The following MDN1 variants were observed in gnomAD, a reference collection of about 807,000 sequenced individuals.
MDN1 encodes midasin AAA ATPase 1, also known as midasin.
A neutral mutation model predicts 669.2 loss-of-function variants in MDN1; 266 were observed. That is an observed-to-expected ratio of 0.40 (90% CI 0.36 to 0.44). The LOEUF (loss-of-function observed/expected upper bound fraction) is 0.44. Among genes scored for constraint, MDN1 ranks in the 20% least tolerant of loss-of-function variants. MDN1 has a pLI of 1.00. For missense variants in MDN1, 5,940 were observed against 6,754.0 expected, an observed-to-expected ratio of 0.88 and a Z score of 4.22; for synonymous variants, 2,385 against 2,457.1, an observed-to-expected ratio of 0.97 and a Z score of 0.87.
chr6:89,809,833 T>TAAAATAAAATAAAATAAAAA (rs1252511994), intron 1 of MDN1, among the ~76,000 whole-genome samples: 4 of 135,816 alleles, frequency 2.9e-5, no homozygotes, highest in South Asian at 2.3e-4. Flanking sequence ...TAAAATAAAA[T>TAAAATAAAATAAAATAAAAA]AAAAAATTAG....
At position 89,782,824 on chromosome 6, in the gene MDN1, G is replaced by A. The variant is rs144515380; in HGVS notation, c.1450-1232C>T. ...CATGGTGGCATGTTGCGGGAAGTCA[G>A]GGACCCCAAATGGAGGGACCAGCTG... is the stretch of plus-strand genomic sequence containing the variant. On this transcript the variant is annotated intron_variant, in intron 9 of 101. Coordinates refer to ENST00000369393, the MANE Select transcript of MDN1 (RefSeq NM_014611.3). 7.4e-3 allele frequency among the ~76,000 whole-genome samples: 1,120 copies of A among 152,096 alleles called. 25 individuals are homozygous for A. The highest frequency in any genetic ancestry group is 0.026 in the African/African-American group (1,063 of 41,506).
chr6:89,758,074 T>TG lies in MDN1; in HGVS notation c.2702+180dup, dbSNP rs1817342283. Among the ~76,000 whole-genome samples, 20 of 148,256 alleles carry TG rather than the reference T, an allele frequency of 1.3e-4. No homozygotes were observed. In the South Asian group the frequency reaches 4.3e-3, roughly 32 times the overall value. On this transcript the variant is annotated intron_variant, in intron 19 of 101. Coordinates refer to ENST00000369393, the MANE Select transcript of MDN1 (RefSeq NM_014611.3). Reference sequence around the variant, plus strand: ...GAAAAAAAATAAAAAAATAGCTGGGTGTGGTGGCATGCACCCATAATCCCG... The same window carrying TG: ...GAAAAAAAATAAAAAAATAGCTGGGTGGTGGTGGCATGCACCCATAATCCCG...
chr6:89,655,895 C>CTCTTGTGCACACGCTCATTGTGAT lies in MDN1; in HGVS notation c.15335_15358dup (p.Lys5119_Arg5120insAsnHisAsnGluArgValHisLys). 1 of 1,614,166 alleles carries CTCTTGTGCACACGCTCATTGTGAT rather than the reference C, an allele frequency of 6.2e-7. No homozygotes were observed. Among genetic ancestry groups the CTCTTGTGCACACGCTCATTGTGAT allele is most frequent in the Non-Finnish European group, 8.5e-7 (1 of 1,180,040 alleles). On this transcript the variant is annotated inframe_insertion, in exon 92 of 102. Transcript: ENST00000369393. ...GCTGTCCGTATCCACAGTCCTCAGC[C>CTCTTGTGCACACGCTCATTGTGAT]TCTTGTGCACACGCTCATTGTGATC...
At chr6:89,772,236 G>A (rs1255717272) in intron 14 of MDN1, among the ~76,000 whole-genome samples, 4 of 151,994 alleles carry the variant, frequency 2.6e-5, no homozygotes, top group East Asian at 1.9e-4. Context: ...CTGTGGGCTC[G>A]CCACTGCACT....
intron 46 of MDN1, 109 bp downstream of exon 46, chr6:89,714,434 A>G: frequency 9.8e-7 from 1 of 1,022,600 alleles, no homozygotes; most frequent in Non-Finnish European, 1.4e-6. Context: ...TTTCCTGATA[A>G]TTTCTATATA....
Position 89,756,346 on chromosome 6 carries a change from AAGTCT to A in MDN1, c.2742_2746del (p.Glu914AspfsTer44). On this transcript the variant is annotated frameshift_variant, in exon 20 of 102. Coordinates refer to ENST00000369393, the MANE Select transcript of MDN1 (RefSeq NM_014611.3). LOFTEE classifies it high-confidence loss of function. ...CAGATAATCTACAATAAGAACCTGT[AAGTCT>A]TCTTTGCTTTCTAATTCTTCTACAT... The A allele has an allele frequency of 6.2e-7, 1 of 1,603,026 alleles. No homozygotes were observed. Among genetic ancestry groups the A allele is most frequent in the Non-Finnish European group, 8.5e-7 (1 of 1,174,042 alleles).
chr6:89,786,557 C>T (rs186828420), intron 8 of MDN1, among the ~76,000 whole-genome samples: 156 of 152,104 alleles, frequency 1.0e-3, no homozygotes, highest in African/African-American at 3.6e-3. Context: ...CAGTAAGCTA[C>T]GATCAAGCCA....
At chr6:89,813,238 C>A (rs1286999598) in intron 1 of MDN1, among the ~76,000 whole-genome samples, 1 of 152,144 alleles carries the variant, frequency 6.6e-6, no homozygotes, top group African/African-American at 2.4e-5. Flanking sequence ...TGCCCGGCCA[C>A]AAAATTTTTT....
At chr6:89,687,719 T>C (rs1295188504) in intron 67 of MDN1, among the ~76,000 whole-genome samples, 1 of 152,162 alleles carries the variant, frequency 6.6e-6, no homozygotes, top group Admixed American at 6.5e-5. Context: ...AACAAAGACA[T>C]GCGGCCCTTT....
intron 45 of MDN1, 67 bp downstream of exon 45, chr6:89,715,586 A>G (rs1814307860): frequency 1.1e-6 from 1 of 929,198 alleles, no homozygotes; most frequent in Non-Finnish European, 1.8e-6. Flanking sequence ...AGGAAGTCCT[A>G]CTGAACGTCT....
chr6:89,686,007 C>G, intron 69 of MDN1, 34 bp from the exon 70 acceptor site: 1 of 1,600,248 alleles, frequency 6.2e-7, no homozygotes, highest in African/African-American at 1.3e-5. Context: ...TATATATGTT[C>G]CTTCGACCAT....
At chr6:89,709,943 C>T (rs1813773361) in intron 50 of MDN1, among the ~76,000 whole-genome samples, 1 of 152,150 alleles carries the variant, frequency 6.6e-6, no homozygotes, top group Non-Finnish European at 1.5e-5. Flanking sequence ...GTTGCCCAGG[C>T]TAGAATGCAG....
chr6:89,802,592 G>A (rs532700971), intron 2 of MDN1, among the ~76,000 whole-genome samples: 1 of 152,212 alleles, frequency 6.6e-6, no homozygotes, highest in Non-Finnish European at 1.5e-5. Flanking sequence ...GGCTGAGGCA[G>A]GAGAATCAGT....
chr6:89,800,723 T>C (rs1295211886), intron 2 of MDN1, among the ~76,000 whole-genome samples: 1 of 152,174 alleles, frequency 6.6e-6, no homozygotes, highest in East Asian at 1.9e-4. Flanking sequence ...GATAGCCTTT[T>C]GGTCAGAGGC....
In MDN1 at chr6:89,786,448, A is replaced by T. The variant is rs545495251; in HGVS notation, c.1335-1322T>A. Among the ~76,000 whole-genome samples, 149 of 151,614 alleles carry T rather than the reference A, an allele frequency of 9.8e-4. 1 individual carries two copies. The highest frequency in any genetic ancestry group is 3.4e-3 in the Middle Eastern group (1 of 294). On this transcript the variant is annotated intron_variant, in intron 8 of 101. Coordinates refer to ENST00000369393, the MANE Select transcript of MDN1 (RefSeq NM_014611.3). The stretch of plus-strand genomic sequence containing the variant: ...TCTAAAATAATAATAATAATAAAAA[A>T]AATTTGTTTTTAGCCAGGCATGGTG...
intron 15 of MDN1, among the ~76,000 whole-genome samples, chr6:89,764,797 T>C (rs1430418466): frequency 6.6e-6 from 1 of 152,182 alleles, no homozygotes; most frequent in African/African-American, 2.4e-5. Flanking sequence ...TGAGAGATGA[T>C]ATCAGAGAAG....
In MDN1 at chr6:89,712,605, C is replaced by T. The variant is rs1345843294; in HGVS notation, c.7400G>A (p.Arg2467Lys). The T allele has an allele frequency of 6.2e-7, 1 of 1,614,162 alleles. No individual in the cohort carries two copies. Among genetic ancestry groups the T allele is most frequent in the Admixed American group, 1.7e-5 (1 of 60,022 alleles). The change falls in exon 48 of 102, where the codon AGG (arginine) becomes AAG (lysine). Residue 2467 changes from arginine (R) to lysine (K), a missense_variant. Around this residue, in one of 5 missense-constraint regions of MDN1, gnomAD observed 2,292 missense variants for 2,638.3 expected, o/e 0.87. Transcript: ENST00000369393. ...DGQILVYCLN[R>K]MSMKTSSWTR... is the part of the protein sequence containing the mutation. ...CCAGCTGCTGGTTTTCATGCTCATC[C>T]TGTTGAGACAATATACTAAGATCTG...
chr6:89,741,956 C>T (rs535477287), intron 31 of MDN1, among the ~76,000 whole-genome samples: 9 of 151,926 alleles, frequency 5.9e-5, no homozygotes, highest in Admixed American at 2.6e-4. Flanking sequence ...CAAAAATTAG[C>T]TGGGAGTGGT....
chr6:89,712,873 A>G, intron 47 of MDN1, 87 bp from the exon 48 acceptor site: 1 of 1,206,294 alleles, frequency 8.3e-7, no homozygotes, highest in South Asian at 1.3e-5. Context: ...AGTCCATGCG[A>G]CCACCTCACA....
Sources: allele counts gnomAD v4.1 joint callset (sites outside exome capture counted in the v4.1 genomes callset), GRCh38; gene constraint gnomAD v4.1.1; regional missense constraint gnomAD v4.1.1; transcripts MANE v1.5; gene names NCBI Gene and HGNC (gene_info 2026-07-23, HGNC 2026-07-21).